Variants in SNTA1 observed in about 807,000 individuals in gnomAD.
The protein encoded by SNTA1 is syntrophin alpha 1.
In SNTA1, 31 loss-of-function variants were observed where a neutral mutation model predicts 47.1. The ratio of observed to expected loss-of-function variants is 0.66; its 90% CI spans 0.49 to 0.89. The LOEUF is 0.89. SNTA1 is among the 40% of genes least tolerant of loss of function. The pLI is 0.00. For synonymous variants in SNTA1, 300 were observed against 313.6 expected (o/e 0.96, Z 0.46); for missense variants, 575 against 693.0 (o/e 0.83, Z 1.91).
intron 2 of SNTA1, among the ~76,000 whole-genome samples, chr20:33,425,597 G>A (rs1990149916): frequency 6.6e-6 from 1 of 152,132 alleles, no homozygotes; most frequent in Non-Finnish European, 1.5e-5. Context: ...GGAAGGCAGA[G>A]GTTGCAGTGA....
Position 33,438,889 on chromosome 20 carries a change from C to T in SNTA1, c.448G>A (p.Glu150Lys). ...GEDLSSATHDEAVQVLKKTGK... is the reference protein window; with the variant it reads ...GEDLSSATHDKAVQVLKKTGK... ...GTCTTCTTGAGGACCTGCACCGCCT[C>T]ATCATGGGTAGCAGAGGACAAGTCT... The change falls in exon 2 of 8, where the codon GAG becomes AAG. Residue 150 changes from glutamate to lysine, a missense_variant. Glu to Lys is a moderately conservative substitution (Grantham distance 56). Coordinates refer to ENST00000217381, the MANE Select transcript of SNTA1 (RefSeq NM_003098.3). 6.2e-7 allele frequency: 1 copy of T among 1,614,160 alleles called. No individual in the cohort carries two copies. The highest frequency in any genetic ancestry group is 8.5e-7 in the Non-Finnish European group (1 of 1,180,010).
At position 33,425,794 on chromosome 20, in the gene SNTA1, G is replaced by A. The variant is rs192872421; in HGVS notation, c.497-7871C>T. Among the ~76,000 whole-genome samples, 96 of 152,274 alleles carry A rather than the reference G, an allele frequency of 6.3e-4. No homozygotes were observed. In the Middle Eastern group the frequency reaches 0.02, roughly 32 times the overall value. Reference sequence around the variant, plus strand: ...TCCTTATTTTAAAAATGGAAGGGCCGGGCACACTGGCTCCCGCCTGTAATC... The same window carrying A: ...TCCTTATTTTAAAAATGGAAGGGCCAGGCACACTGGCTCCCGCCTGTAATC... On this transcript the variant is annotated intron_variant, in intron 2 of 7. Transcript: ENST00000217381.
chr20:33,423,331 T>A (rs1242814986), intron 2 of SNTA1, among the ~76,000 whole-genome samples: 1 of 152,106 alleles, frequency 6.6e-6, no homozygotes. Context: ...TGAGGCCTCC[T>A]CCCCTCTCTG....
chr20:33,410,458 C>G, intron 5 of SNTA1, 127 bp from the exon 6 acceptor site: 1 of 647,842 alleles, frequency 1.5e-6, no homozygotes, highest in Non-Finnish European at 2.7e-6. Context: ...ACAGGACTTG[C>G]CAGGGGGCAC....
intron 2 of SNTA1, among the ~76,000 whole-genome samples, chr20:33,423,412 C>T (rs537500216): frequency 3.3e-5 from 5 of 152,206 alleles, no homozygotes; most frequent in South Asian, 2.1e-4. Context: ...GCTGAGGGCA[C>T]GACCACAGCC....
At chr20:33,423,112 C>T (rs1294127492) in intron 2 of SNTA1, among the ~76,000 whole-genome samples, 1 of 152,204 alleles carries the variant, frequency 6.6e-6, no homozygotes, top group African/African-American at 2.4e-5. Context: ...CATTTGTCAA[C>T]TTTGAAGCCA....
At chr20:33,418,932 G>A (rs1388784874) in intron 2 of SNTA1, among the ~76,000 whole-genome samples, 1 of 151,540 alleles carries the variant, frequency 6.6e-6, no homozygotes, top group Non-Finnish European at 1.5e-5. Context: ...TGGCCAACAA[G>A]GTGAAACCCT....
Position 33,438,870 on chromosome 20 carries a change from T to C in SNTA1, c.467A>G (p.Lys156Arg), listed in dbSNP as rs772004957. 5 of 1,614,020 alleles carry C rather than the reference T, an allele frequency of 3.1e-6. No individual in the cohort carries two copies. Among genetic ancestry groups the C allele is most frequent in the Admixed American group, 1.7e-5 (1 of 59,990 alleles). The change falls in exon 2 of 8, where the codon AAG (lysine) becomes AGG (arginine). Residue 156 changes from lysine (K) to arginine (R), a missense_variant. Coordinates refer to ENST00000217381, the MANE Select transcript of SNTA1 (RefSeq NM_003098.3). ...CAGCACCACCTCCTTGCCTGTCTTC[T>C]TGAGGACCTGCACCGCCTCATCATG... ...ATHDEAVQVL[K>R]KTGKEVVLEV...
chr20:33,439,481 G>A (rs6057853), intron 1 of SNTA1, among the ~76,000 whole-genome samples: 28 of 152,214 alleles, frequency 1.8e-4, no homozygotes, highest in African/African-American at 6.7e-4. Context: ...GGCAGAAGGA[G>A]ACCCTGTCTC....
At chr20:33,423,453 T>C (rs1242571304) in intron 2 of SNTA1, among the ~76,000 whole-genome samples, 1 of 152,168 alleles carries the variant, frequency 6.6e-6, no homozygotes, top group Non-Finnish European at 1.5e-5. Context: ...ACTCCAAAGA[T>C]AGGCCCGGCC....
At chr20:33,421,438 C>G (rs565839656) in intron 2 of SNTA1, among the ~76,000 whole-genome samples, 11 of 151,882 alleles carry the variant, frequency 7.2e-5, no homozygotes, top group African/African-American at 2.7e-4. Context: ...TGGCGAAACC[C>G]TGTCTCTACT....
intron 2 of SNTA1, among the ~76,000 whole-genome samples, chr20:33,434,984 T>A (rs1183078508): frequency 1.7e-4 from 5 of 29,080 alleles, no homozygotes; most frequent in African/African-American, 2.9e-4. Flanking sequence ...GGCACCAGCT[T>A]TTTTTTTTTT....
rs139339036 is a variant in SNTA1 at position 33,421,694 on chromosome 20, G to A, written c.497-3771C>T. On this transcript the variant is annotated intron_variant, in intron 2 of 7. Transcript: ENST00000217381. ...ACTACAGCCAGACATGGTGGCTCAC[G>A]CCTGTAATCCCAGCACTTTGGGAGC... Among the ~76,000 whole-genome samples, 1,247 of 151,760 alleles carry A rather than the reference G, an allele frequency of 8.2e-3. 12 individuals are homozygous for A. Among genetic ancestry groups the A allele is most frequent in the African/African-American group, 0.028 (1,168 of 41,472 alleles).
At chr20:33,409,029 C>T (rs1266805413) in intron 6 of SNTA1, 141 bp from the exon 7 acceptor site, 33 of 742,836 alleles carry the variant, frequency 4.4e-5, no homozygotes, top group Non-Finnish European at 7.4e-5. Flanking sequence ...GGCACCAGTA[C>T]ACCCACCCTG....
At chr20:33,439,604 A>G (rs528380429) in intron 1 of SNTA1, among the ~76,000 whole-genome samples, 1 of 152,250 alleles carries the variant, frequency 6.6e-6, no homozygotes, top group Non-Finnish European at 1.5e-5. Flanking sequence ...GCAACTTACA[A>G]AGTGCTTCAA....
At chr20:33,411,563 C>T (rs542074515) in intron 5 of SNTA1, among the ~76,000 whole-genome samples, 8 of 152,294 alleles carry the variant, frequency 5.3e-5, no homozygotes, top group African/African-American at 1.4e-4. Flanking sequence ...CTGCACTCTC[C>T]GCTGCATTCT....
chr20:33,430,924 G>A (rs1990292193), intron 2 of SNTA1, among the ~76,000 whole-genome samples: 1 of 151,546 alleles, frequency 6.6e-6, no homozygotes, highest in African/African-American at 2.4e-5. Flanking sequence ...ACTCCAGCCT[G>A]GGCAACAGAG....
At chr20:33,421,377 T>G (rs1423691155) in intron 2 of SNTA1, among the ~76,000 whole-genome samples, 1 of 148,818 alleles carries the variant, frequency 6.7e-6, no homozygotes, top group African/African-American at 2.5e-5. Context: ...TTTGGGAGGC[T>G]GAGGCGGGAG....
chr20:33,411,558 C>A (rs1989741291), intron 5 of SNTA1, among the ~76,000 whole-genome samples: 1 of 152,194 alleles, frequency 6.6e-6, no homozygotes, highest in African/African-American at 2.4e-5. Context: ...CCATCCTGCA[C>A]TCTCCGCTGC....
Sources: allele counts gnomAD v4.1 joint callset (sites outside exome capture counted in the v4.1 genomes callset), GRCh38; gene constraint gnomAD v4.1.1; transcripts MANE v1.5; gene names NCBI Gene and HGNC (gene_info 2026-07-23, HGNC 2026-07-21).